The following PPP2R2B variants were observed in gnomAD, a reference collection of about 807,000 sequenced individuals.
PPP2R2B encodes the protein serine/threonine-protein phosphatase 2A 55 kDa regulatory subunit B beta isoform.
In PPP2R2B, 5 loss-of-function variants were observed where a neutral mutation model predicts 46.0. That is an observed-to-expected ratio of 0.11 (90% CI 0.06 to 0.23). The LOEUF is 0.23. Among genes scored for constraint, PPP2R2B ranks in the 10% least tolerant of loss-of-function variants. The pLI, the probability that PPP2R2B is intolerant of heterozygous loss-of-function variation, is 1.00. For synonymous variants in PPP2R2B, 215 were observed against 206.7 expected (o/e 1.04, Z -0.34); for missense variants, 367 against 575.0 (o/e 0.64, Z 3.70).
chr5:146,971,765 GT>G (rs1203129453), intron 1 of PPP2R2B, among the ~76,000 whole-genome samples: 2 of 151,984 alleles, frequency 1.3e-5, no homozygotes, highest in Non-Finnish European at 2.9e-5. Flanking sequence ...AACTTTTTAT[GT>G]TTGTGGTACC....
chr5:146,738,055 T>C (rs374022902), intron 2 of PPP2R2B, among the ~76,000 whole-genome samples: 1 of 152,096 alleles, frequency 6.6e-6, no homozygotes. Context: ...TCAGTGTGGT[T>C]TGGAAGATAT....
At chr5:146,920,142 A>C (rs2151813717) in intron 1 of PPP2R2B, among the ~76,000 whole-genome samples, 1 of 152,340 alleles carries the variant, frequency 6.6e-6, no homozygotes, top group African/African-American at 2.4e-5. Flanking sequence ...AATAATCCCT[A>C]CATTATAGGA....
chr5:146,807,957 G>A (rs906954628), intron 2 of PPP2R2B, among the ~76,000 whole-genome samples: 6 of 151,512 alleles, frequency 4.0e-5, no homozygotes, highest in Non-Finnish European at 7.4e-5. Flanking sequence ...CTACCACCAC[G>A]CCCAGCTAAT....
At chr5:146,937,425 C>G (rs1764189283) in intron 1 of PPP2R2B, among the ~76,000 whole-genome samples, 2 of 152,120 alleles carry the variant, frequency 1.3e-5, no homozygotes, top group Non-Finnish European at 2.9e-5. Context: ...CCTCCACACT[C>G]CTCACAGTCT....
chr5:147,054,639 C>T (rs1054241682), intron 1 of PPP2R2B: 1 of 456,058 alleles, frequency 2.2e-6, no homozygotes, highest in Non-Finnish European at 4.4e-6. Flanking sequence ...AAACACACAG[C>T]CCCCAGTCTC....
At chr5:146,883,956 T>C (rs1247389380) in intron 1 of PPP2R2B, among the ~76,000 whole-genome samples, 1 of 152,162 alleles carries the variant, frequency 6.6e-6, no homozygotes, top group Admixed American at 6.5e-5. Context: ...TACTGGCTAT[T>C]GAGAGCTGAT....
intron 2 of PPP2R2B, among the ~76,000 whole-genome samples, chr5:146,777,001 T>G (rs1755224821): frequency 1.3e-5 from 2 of 152,094 alleles, no homozygotes; most frequent in Non-Finnish European, 2.9e-5. Context: ...AAATAAGTAT[T>G]GTCAAGGATG....
intron 2 of PPP2R2B, among the ~76,000 whole-genome samples, chr5:146,820,552 C>T (rs1274099741): frequency 6.6e-6 from 1 of 152,106 alleles, no homozygotes; most frequent in Non-Finnish European, 1.5e-5. Flanking sequence ...AATGTGATCA[C>T]AAAAGCACAC....
At chr5:146,731,306 G>A (rs985934779) in intron 2 of PPP2R2B, among the ~76,000 whole-genome samples, 5 of 152,158 alleles carry the variant, frequency 3.3e-5, no homozygotes, top group Non-Finnish European at 5.9e-5. Context: ...GGTACTGCTG[G>A]GTACCTGATG....
intron 5 of PPP2R2B, among the ~76,000 whole-genome samples, chr5:146,677,914 A>T (rs541338975): frequency 6.6e-6 from 1 of 152,288 alleles, no homozygotes; most frequent in Admixed American, 6.5e-5. Context: ...CATCATGACT[A>T]TATGTATGGA....
At chr5:146,864,243 T>C (rs188870695) in intron 2 of PPP2R2B, among the ~76,000 whole-genome samples, 84 of 152,168 alleles carry the variant, frequency 5.5e-4, no homozygotes, top group African/African-American at 1.9e-3. Context: ...TGGTAATTTA[T>C]AAGATTTGTA....
chr5:146,881,774 A>G (rs1339369184), upstream of PPP2R2B, among the ~76,000 whole-genome samples: 5 of 151,908 alleles, frequency 3.3e-5, no homozygotes, highest in South Asian at 2.1e-4. Flanking sequence ...TTTGTTGGAG[A>G]CAAACATTTC....
intron 2 of PPP2R2B, among the ~76,000 whole-genome samples, chr5:146,829,346 C>T (rs563482535): frequency 4.7e-4 from 72 of 151,910 alleles, no homozygotes; most frequent in Middle Eastern, 3.4e-3. Context: ...TGTAGGTTGC[C>T]AAAGAAATGT....
At chr5:147,067,520 T>G (rs1356852576) in intron 2 of PPP2R2B, among the ~76,000 whole-genome samples, 1 of 152,180 alleles carries the variant, frequency 6.6e-6, no homozygotes, top group Admixed American at 6.6e-5. Context: ...AATATTCCCT[T>G]TGTTTTTCCA....
intron 5 of PPP2R2B, among the ~76,000 whole-genome samples, chr5:146,662,479 G>A (rs1447870287): frequency 6.6e-6 from 1 of 152,134 alleles, no homozygotes; most frequent in Non-Finnish European, 1.5e-5. Flanking sequence ...AAAAACTGAT[G>A]CCTGCCTCCC....
chr5:147,079,445 CAT>C (rs58393815), intron 2 of PPP2R2B, among the ~76,000 whole-genome samples: 45,422 of 132,152 alleles, frequency 0.34, 7,640 homozygotes, highest in East Asian at 0.42. Flanking sequence ...TATATATATA[CAT>C]ATATATATAT....
intron 2 of PPP2R2B, among the ~76,000 whole-genome samples, chr5:146,799,693 A>G (rs762603445): frequency 1.3e-5 from 2 of 152,242 alleles, no homozygotes; most frequent in Non-Finnish European, 2.9e-5. Flanking sequence ...AAAATCTGCC[A>G]AAGCTATATA....
intron 1 of PPP2R2B, among the ~76,000 whole-genome samples, chr5:146,983,176 ATT>A (rs745692719): frequency 6.2e-5 from 5 of 80,856 alleles, no homozygotes; most frequent in South Asian, 1.0e-3. Flanking sequence ...TTTCCAGAGC[ATT>A]TTTTTTTTTT....
chr5:146,689,889 C>A (rs1401734503), intron 5 of PPP2R2B, among the ~76,000 whole-genome samples: 1 of 152,226 alleles, frequency 6.6e-6, no homozygotes, highest in Non-Finnish European at 1.5e-5. Flanking sequence ...AGCAGCTCAA[C>A]TGAAGACCAT....
Sources: gnomAD v4.1 joint callset for allele counts (sites outside exome capture counted in the v4.1 genomes callset) on GRCh38, gnomAD v4.1.1 for gene constraint, MANE v1.5 for transcripts, NCBI Gene and HGNC (gene_info 2026-07-23, HGNC 2026-07-21) for gene names.